The following GRIA3 variants were observed in gnomAD, a reference collection of about 807,000 sequenced individuals.
GRIA3 encodes the protein glutamate receptor 3.
Under a neutral mutation model 63.0 loss-of-function variants are expected in GRIA3, and 3 were observed. The observed-to-expected ratio is 0.05, with a 90% CI of 0.02 to 0.12. The LOEUF is 0.12. Ranked by LOEUF, GRIA3 falls within the 10% of genes least tolerant of loss-of-function variation. The probability of loss-of-function intolerance (pLI) is 1.00; values close to 1 mark genes in which losing one functional copy is unlikely to be tolerated. For synonymous variants in GRIA3, 274 were observed against 257.9 expected, an observed-to-expected ratio of 1.06 and a Z score of -0.60; for missense variants, 347 against 700.9, an observed-to-expected ratio of 0.50 and a Z score of 5.70.
Position 123,286,129 on chromosome X carries a change from C to T in GRIA3, c.508+32587C>T, listed in dbSNP as rs1325774130. ...ATTAAGAAACTCACTCAAAACTGCG[C>T]GACTACCTGGAAACTGAACAACCTG... On this transcript the variant is annotated intron_variant, in intron 3 of 15. Transcript: ENST00000620443. Among the ~76,000 whole-genome samples the T allele has an allele frequency of 4.5e-5, 5 of 111,831 alleles. No individual in the cohort carries two copies. In the South Asian group the frequency reaches 1.9e-3, roughly 42 times the overall value.
chrX:123,352,727 G>A (rs57683531), intron 4 of GRIA3, among the ~76,000 whole-genome samples: 7,673 of 110,743 alleles, frequency 0.069, 672 homozygotes, highest in African/African-American at 0.24. Flanking sequence ...AAACCCTCTG[G>A]TTTTATTATG....
At chrX:123,227,204 C>T (rs746563928) in intron 2 of GRIA3, among the ~76,000 whole-genome samples, 3 of 111,137 alleles carry the variant, frequency 2.7e-5, no homozygotes, top group Non-Finnish European at 5.7e-5. Context: ...AAGGTTACTT[C>T]CTTAACTGGA....
At chrX:123,329,122 G>A (rs2044924685) in intron 4 of GRIA3, among the ~76,000 whole-genome samples, 1 of 111,631 alleles carries the variant, frequency 9.0e-6, no homozygotes, top group African/African-American at 3.2e-5. Context: ...TCCTCCAAGA[G>A]TGTATTCAGC....
chrX:123,259,304 A>C (rs2044436588), intron 3 of GRIA3, among the ~76,000 whole-genome samples: 2 of 111,513 alleles, frequency 1.8e-5, no homozygotes, highest in African/African-American at 6.5e-5. Flanking sequence ...TCAGCCTCAC[A>C]CTTTTCTGCA....
chrX:123,296,700 A>G (rs1025999134), intron 3 of GRIA3, among the ~76,000 whole-genome samples: 16 of 111,651 alleles, frequency 1.4e-4, no homozygotes, highest in African/African-American at 5.2e-4. Flanking sequence ...CCAAATTTCA[A>G]TTTGGACATG....
At chrX:123,441,091 T>TA (rs1409816750) in intron 12 of GRIA3, among the ~76,000 whole-genome samples, 5 of 111,687 alleles carry the variant, frequency 4.5e-5, no homozygotes, top group Non-Finnish European at 9.4e-5. Context: ...GAACAGTTTC[T>TA]AAAAAAGAGG....
chrX:123,194,303 T>A (rs1227329262), intron 2 of GRIA3, among the ~76,000 whole-genome samples: 1 of 111,380 alleles, frequency 9.0e-6, no homozygotes, highest in African/African-American at 3.3e-5. Flanking sequence ...GATTGGCTAA[T>A]CTACCTTGCC....
chrX:123,207,179 A>T (rs1603025905), intron 2 of GRIA3, among the ~76,000 whole-genome samples: 1 of 105,585 alleles, frequency 9.5e-6, no homozygotes, highest in Admixed American at 1.0e-4. Flanking sequence ...AAAAAAAAAA[A>T]ATCTATGAAC....
At chrX:123,399,345 A>T (rs1251789625) in intron 7 of GRIA3, among the ~76,000 whole-genome samples, 1 of 112,015 alleles carries the variant, frequency 8.9e-6, no homozygotes, top group Non-Finnish European at 1.9e-5. Context: ...CAGGAACATG[A>T]TACATTTCTA....
chrX:123,416,606 ATTTAT>A (rs1462639472), intron 10 of GRIA3, among the ~76,000 whole-genome samples: 3 of 112,990 alleles, frequency 2.7e-5, no homozygotes, highest in African/African-American at 9.6e-5. Context: ...CACTACTGAC[ATTTAT>A]TTTATTGATT....
At chrX:123,210,822 G>A (rs918310545) in intron 2 of GRIA3, among the ~76,000 whole-genome samples, 2 of 111,383 alleles carry the variant, frequency 1.8e-5, no homozygotes, top group Non-Finnish European at 3.8e-5. Flanking sequence ...ATGCATATTC[G>A]AAATACCTAG....
At chrX:123,308,595 C>T (rs970607349) in intron 3 of GRIA3, among the ~76,000 whole-genome samples, 2 of 111,679 alleles carry the variant, frequency 1.8e-5, no homozygotes, top group African/African-American at 6.5e-5. Context: ...TTAGGGTAAC[C>T]AGGGCTGTGC....
intron 4 of GRIA3, among the ~76,000 whole-genome samples, chrX:123,345,439 A>AACACACACACACACACACACACACACAC (rs59142587): frequency 1.5e-5 from 1 of 65,905 alleles, no homozygotes; most frequent in African/African-American, 6.6e-5. Context: ...CCCCCTTCAC[A>AACACACACACACACACACACACACACAC]ACACACACAC....
intron 11 of GRIA3, among the ~76,000 whole-genome samples, chrX:123,427,507 T>C (rs2045595919): frequency 9.0e-6 from 1 of 110,914 alleles, no homozygotes; most frequent in Non-Finnish European, 1.9e-5. Context: ...AATTATTACC[T>C]GTGGAAGCAG....
intron 3 of GRIA3, among the ~76,000 whole-genome samples, chrX:123,311,290 T>C (rs960503393): frequency 3.6e-5 from 4 of 112,333 alleles, no homozygotes; most frequent in South Asian, 3.7e-4. Context: ...AGAATGAGCA[T>C]GGCTGTAACA....
chrX:123,380,180 A>G (rs1294241295), intron 5 of GRIA3, among the ~76,000 whole-genome samples: 4 of 111,240 alleles, frequency 3.6e-5, no homozygotes, highest in African/African-American at 1.3e-4. Flanking sequence ...GGCTGGGTCA[A>G]ATGGTATTTC....
intron 4 of GRIA3, among the ~76,000 whole-genome samples, chrX:123,335,895 A>T (rs1248650954): frequency 8.9e-6 from 1 of 112,133 alleles, no homozygotes; most frequent in African/African-American, 3.2e-5. Flanking sequence ...AAGTCCTATG[A>T]GTTAGAATTA....
intron 15 of GRIA3, among the ~76,000 whole-genome samples, chrX:123,485,072 T>C (rs2045934048): frequency 8.9e-6 from 1 of 112,605 alleles, no homozygotes; most frequent in South Asian, 3.7e-4. Flanking sequence ...GCTTAAAATG[T>C]TTTACTCTTG....
At chrX:123,460,812 C>T (rs1391472575) in intron 12 of GRIA3, among the ~76,000 whole-genome samples, 2 of 111,116 alleles carry the variant, frequency 1.8e-5, no homozygotes, top group Non-Finnish European at 3.8e-5. Context: ...GAAATAAAGT[C>T]CTTGACAATG....
Sources: allele counts gnomAD v4.1 joint callset (sites outside exome capture counted in the v4.1 genomes callset), GRCh38; gene constraint gnomAD v4.1.1; transcripts MANE v1.5; gene names NCBI Gene and HGNC (gene_info 2026-07-23, HGNC 2026-07-21).